The following SCFD2 variants were observed in gnomAD, a reference collection of about 807,000 sequenced individuals.
The protein encoded by SCFD2 is sec1 family domain containing 2.
SCFD2 carries 54 observed loss-of-function variants against 58.9 expected under a neutral mutation model. That is an observed-to-expected ratio of 0.92 (90% CI 0.74 to 1.15). SCFD2 has a LOEUF of 1.15. Ranked by LOEUF, SCFD2 falls within the 50% of genes most tolerant of loss-of-function variation. The pLI is 0.00. For missense variants in SCFD2, 805 were observed against 836.6 expected, an observed-to-expected ratio of 0.96 and a Z score of 0.47; for synonymous variants, 321 against 335.9, an observed-to-expected ratio of 0.96 and a Z score of 0.49.
At chr4:53,356,374 C>T (rs1734399099) in intron 1 of SCFD2, among the ~76,000 whole-genome samples, 1 of 152,186 alleles carries the variant, frequency 6.6e-6, no homozygotes, top group South Asian at 2.1e-4. Flanking sequence ...CACTCAAGGG[C>T]AGGGGAATTT....
At chr4:52,971,029 TC>T (rs1473182795) in intron 5 of SCFD2, among the ~76,000 whole-genome samples, 3 of 152,010 alleles carry the variant, frequency 2.0e-5, no homozygotes, top group African/African-American at 7.3e-5. Flanking sequence ...GTCACCATCA[TC>T]AAAGACCAAA....
At chr4:53,258,577 T>TATATATATATATATACAC (rs757658747) in intron 4 of SCFD2, among the ~76,000 whole-genome samples, 4 of 121,402 alleles carry the variant, frequency 3.3e-5, no homozygotes, top group African/African-American at 6.3e-5. Flanking sequence ...TATATATATA[T>TATATATATATATATACAC]ACACACACAT....
chr4:53,295,529 G>A (rs759210233), intron 3 of SCFD2, among the ~76,000 whole-genome samples: 7 of 152,180 alleles, frequency 4.6e-5, no homozygotes, highest in Non-Finnish European at 8.8e-5. Flanking sequence ...TGCTTAAGAA[G>A]ATTTTGGGCT....
intron 4 of SCFD2, among the ~76,000 whole-genome samples, chr4:53,228,512 TAA>T (rs1411869891): frequency 1.3e-5 from 2 of 152,188 alleles, no homozygotes; most frequent in African/African-American, 4.8e-5. Flanking sequence ...ATACAAACGT[TAA>T]GATATTTTCT....
intron 5 of SCFD2, among the ~76,000 whole-genome samples, chr4:53,144,032 A>G (rs747262174): frequency 6.6e-6 from 1 of 152,196 alleles, no homozygotes; most frequent in African/African-American, 2.4e-5. Flanking sequence ...AAGTGAAGGT[A>G]GTTAGATTTT....
At chr4:53,340,758 G>A (rs949207070) in intron 2 of SCFD2, among the ~76,000 whole-genome samples, 8 of 152,182 alleles carry the variant, frequency 5.3e-5, no homozygotes, top group Non-Finnish European at 1.0e-4. Context: ...TCTCTGAGAC[G>A]AAGCTTCCAG....
chr4:52,887,886 A>G (rs1472104070), intron 7 of SCFD2, among the ~76,000 whole-genome samples: 2 of 147,996 alleles, frequency 1.4e-5, no homozygotes, highest in African/African-American at 5.0e-5. Context: ...CCACGTCTCA[A>G]CATCTTATTC....
intron 5 of SCFD2, among the ~76,000 whole-genome samples, chr4:53,012,455 C>A (rs575512282): frequency 7.4e-4 from 113 of 151,920 alleles, no homozygotes; most frequent in Non-Finnish European, 1.5e-3. Flanking sequence ...ATAGGTTGGT[C>A]CTCTGTGAAG....
At chr4:53,043,816 CACTT>C (rs149603336) in intron 5 of SCFD2, among the ~76,000 whole-genome samples, 3,996 of 152,044 alleles carry the variant, frequency 0.026, 79 homozygotes, top group African/African-American at 0.054. Flanking sequence ...TTAAAATAAA[CACTT>C]ACAAACCTTT....
intron 3 of SCFD2, among the ~76,000 whole-genome samples, chr4:53,280,209 A>T (rs1163129976): frequency 6.6e-6 from 1 of 152,174 alleles, no homozygotes; most frequent in Admixed American, 6.5e-5. Flanking sequence ...GGAAAGAGCA[A>T]CCATCATAAG....
At chr4:52,961,828 T>C (rs893055119) in intron 5 of SCFD2, among the ~76,000 whole-genome samples, 3 of 151,884 alleles carry the variant, frequency 2.0e-5, no homozygotes, top group African/African-American at 7.3e-5. Flanking sequence ...TGGTAATAGC[T>C]GGTGACAGTC....
chr4:52,892,481 T>C (rs777956182), intron 7 of SCFD2, among the ~76,000 whole-genome samples: 3 of 152,230 alleles, frequency 2.0e-5, no homozygotes, highest in South Asian at 2.1e-4. Context: ...TGGGATCTAG[T>C]GTCTGCTTAT....
chr4:53,145,436 C>G lies in SCFD2; in HGVS notation c.1458G>C (p.Thr486=). Residue 486 remains threonine (T), a synonymous_variant, in exon 5 of 9, where the codon ACG becomes ACC. Coordinates refer to ENST00000401642, the MANE Select transcript of SCFD2 (RefSeq NM_152540.4). ...IYIYSVTGEL[T]VDKDLCEAEE... ...CTGCTTCACACAGGTCTTTGTCTAC[C>G]GTGAGCTCTCCAGTGACAGAATAAA... The G allele has an allele frequency of 6.2e-7, 1 of 1,613,994 alleles. No individual in the cohort carries two copies. Among genetic ancestry groups the G allele is most frequent in the Non-Finnish European group, 8.5e-7 (1 of 1,179,984 alleles).
intron 4 of SCFD2, among the ~76,000 whole-genome samples, chr4:53,226,618 A>G (rs1443025313): frequency 6.6e-6 from 1 of 152,194 alleles, no homozygotes; most frequent in Non-Finnish European, 1.5e-5. Context: ...AGGTGGAAAA[A>G]TAACAATAAA....
Position 53,280,179 on chromosome 4 carries a change from A to C in SCFD2, c.1136-6178T>G, listed in dbSNP as rs535078920. Reference sequence around the variant, plus strand: ...TACCCAGTCTGTCAGATTTGATTTAATGGCAAAACTGTTATGATGGGAAAG... The same window carrying C: ...TACCCAGTCTGTCAGATTTGATTTACTGGCAAAACTGTTATGATGGGAAAG... On this transcript the variant is annotated intron_variant, in intron 3 of 8. Coordinates refer to ENST00000401642, the MANE Select transcript of SCFD2 (RefSeq NM_152540.4). Among the ~76,000 whole-genome samples the C allele has an allele frequency of 1.8e-4, 27 of 152,344 alleles. No individual in the cohort carries two copies. In the East Asian group the frequency reaches 2.5e-3, roughly 14 times the overall value.
At chr4:53,250,908 A>T (rs911569385) in intron 4 of SCFD2, among the ~76,000 whole-genome samples, 3 of 152,234 alleles carry the variant, frequency 2.0e-5, no homozygotes, top group Non-Finnish European at 4.4e-5. Flanking sequence ...GCAGAACTGA[A>T]GGAAATAGAG....
At chr4:53,083,914 G>A (rs1724223751) in intron 5 of SCFD2, among the ~76,000 whole-genome samples, 1 of 152,102 alleles carries the variant, frequency 6.6e-6, no homozygotes, top group African/African-American at 2.4e-5. Flanking sequence ...TCAGGGAACA[G>A]GACAAAGGGC....
At chr4:52,949,721 AG>A (rs1281525029) in intron 5 of SCFD2, 2 of 152,268 alleles carry the variant, frequency 1.3e-5, no homozygotes, top group Non-Finnish European at 2.9e-5. Context: ...CAGGGACAGA[AG>A]GGTGAACCAC....
At chr4:53,137,409 T>A (rs1725974078) in intron 5 of SCFD2, among the ~76,000 whole-genome samples, 2 of 152,226 alleles carry the variant, frequency 1.3e-5, no homozygotes, top group Non-Finnish European at 2.9e-5. Context: ...AGAAAGAGCA[T>A]GAATTCTGTC....
Sources: gnomAD v4.1 joint callset for allele counts (sites outside exome capture counted in the v4.1 genomes callset) on GRCh38, gnomAD v4.1.1 for gene constraint, MANE v1.5 for transcripts, NCBI Gene and HGNC (gene_info 2026-07-23, HGNC 2026-07-21) for gene names.